PHACTR2: variants seen among roughly 807,000 people sequenced by gnomAD.
PHACTR2 encodes the protein chromosome 6 open reading frame 56.
Under a neutral mutation model 76.0 loss-of-function variants are expected in PHACTR2, and 30 were observed. The ratio of observed to expected loss-of-function variants is 0.39; its 90% CI spans 0.30 to 0.54. PHACTR2 has a LOEUF of 0.54. PHACTR2 is among the 20% of genes least tolerant of loss of function. PHACTR2 has a pLI of 0.61. For missense variants in PHACTR2, 696 were observed against 781.1 expected (o/e 0.89, Z 1.30); for synonymous variants, 292 against 292.5 (o/e 1.00, Z 0.02).
In PHACTR2 at chr6:143,598,911, C is replaced by T. The variant is rs1302294250; in HGVS notation, c.217+61704C>T. On this transcript the variant is annotated intron_variant, in intron 1 of 11. Transcript: ENST00000367584. The surrounding 1 kb of genome is among the most constrained non-coding windows in gnomAD (Gnocchi z 4.1). ...GCATTGATGCTTTCTGTTATCTGTT[C>T]CAGGTTTAGTGGCGTGAATAGTAAA... Among the ~76,000 whole-genome samples the T allele has an allele frequency of 6.6e-6, 1 of 152,128 alleles. No homozygotes were observed.
In PHACTR2 at chr6:143,613,267, G is replaced by T. The variant is rs187072608; in HGVS notation, c.13+4945G>T. Among the ~76,000 whole-genome samples the T allele has an allele frequency of 1.2e-3, 184 of 152,334 alleles. 1 individual carries two copies. The Middle Eastern group carries it at 0.031, about 25-fold the overall frequency. On this transcript the variant is annotated intron_variant, in intron 1 of 11. Coordinates refer to the PHACTR2 transcript ENST00000305766. The stretch of plus-strand genomic sequence containing the variant: ...TGGGATTACAGGCGTGAGCCACCGC[G>T]CCCGGCCCATGTAAAGATATTTTTC...
chr6:143,582,870 G>T (rs1032587949), intron 1 of PHACTR2, among the ~76,000 whole-genome samples: 1 of 152,106 alleles, frequency 6.6e-6, no homozygotes, highest in African/African-American at 2.4e-5. Flanking sequence ...AAAATTGATG[G>T]CTCTGCCAAG....
chr6:143,656,061 G>C lies in PHACTR2; in HGVS notation c.13+47739G>C, dbSNP rs1241069557. ...TGATTACCGGGGGAAATATTTAAAA[G>C]AAGCATCAGTGGAGGGAAGGGTAAA... On this transcript the variant is annotated intron_variant, in intron 1 of 11. Transcript: ENST00000305766. This position sits in a 1 kb window ranked among gnomAD's most constrained non-coding sequence, Gnocchi z 5.3. Among the ~76,000 whole-genome samples, 1 of 152,180 alleles carries C rather than the reference G, an allele frequency of 6.6e-6. No individual in the cohort carries two copies. Among genetic ancestry groups the C allele is most frequent in the Non-Finnish European group, 1.5e-5 (1 of 68,028 alleles).
chr6:143,660,758 A>C (rs1776934550), intron 1 of PHACTR2, among the ~76,000 whole-genome samples: 1 of 152,178 alleles, frequency 6.6e-6, no homozygotes, highest in African/African-American at 2.4e-5. Context: ...ACATAAATTA[A>C]GGGCCGAGAG....
rs1203236461 is a variant in PHACTR2 at position 143,581,302 on chromosome 6, A to G, written c.217+44095A>G. Among the ~76,000 whole-genome samples the G allele has an allele frequency of 6.6e-6, 1 of 152,196 alleles. No individual in the cohort carries two copies. The highest frequency in any genetic ancestry group is 1.5e-5 in the Non-Finnish European group (1 of 68,024). ...CGGGAGGTATGTAGATGACTGTATC[A>G]AGTTATCCTCCTGACCGGGCGCAGT... On this transcript the variant is annotated intron_variant, in intron 1 of 11. Transcript: ENST00000367584. The surrounding 1 kb of genome is among the most constrained non-coding windows in gnomAD (Gnocchi z 4.5).
At chr6:143,685,162 T>C (rs1777486263) in intron 1 of PHACTR2, among the ~76,000 whole-genome samples, 2 of 152,160 alleles carry the variant, frequency 1.3e-5, no homozygotes, top group South Asian at 4.1e-4. Context: ...ATTTCAAAAA[T>C]GCTTTCCTCT....
intron 1 of PHACTR2, among the ~76,000 whole-genome samples, chr6:143,707,189 A>G (rs2488097): frequency 0.39 from 59,583 of 152,036 alleles, 11,831 homozygotes; most frequent in Non-Finnish European, 0.42. Context: ...AAAAATAACA[A>G]AGCCTGGAAA....
At position 143,826,477 on chromosome 6, in the gene PHACTR2, T is replaced by C. The variant is rs1776532638; in HGVS notation, c.*2788T>C. 6.6e-6 allele frequency: 1 copy of C among 152,248 alleles called. No individual in the cohort carries two copies. The highest frequency in any genetic ancestry group is 2.4e-5 in the African/African-American group (1 of 41,472). The allele number at this position is 152,248 out of a possible 1,614,324, so 9.4% of individuals were successfully genotyped here. A position where few individuals can be genotyped will look rare whatever the true frequency, so the allele number is the denominator to read the frequency against. On this transcript the variant is annotated 3_prime_UTR_variant, in exon 13 of 13. Transcript: ENST00000440869. ...GCTGACATCGAGGAAGTAAGTGGGT[T>C]TTCCTGAGTTCCCAAGATATGATTA...
At chr6:143,603,587 TA>T (rs1291512213), upstream of PHACTR2, among the ~76,000 whole-genome samples, 1 of 152,212 alleles carries the variant, frequency 6.6e-6, no homozygotes, top group Non-Finnish European at 1.5e-5. Flanking sequence ...AGCATTGGCC[TA>T]AAATCCACAT....
chr6:143,779,936 TA>T, intron 9 of PHACTR2, among the ~76,000 whole-genome samples: 1 of 144,532 alleles, frequency 6.9e-6, no homozygotes, highest in Admixed American at 6.9e-5. Flanking sequence ...TATATTATAT[TA>T]TATTATATTA....
At chr6:143,642,710 C>T (rs1562257003) in intron 1 of PHACTR2, among the ~76,000 whole-genome samples, 1 of 152,144 alleles carries the variant, frequency 6.6e-6, no homozygotes, top group African/African-American at 2.4e-5. Context: ...AGGGAGAACA[C>T]TATGTGAAGA....
rs76402551 is a variant in PHACTR2, at chr6:143,751,214, C to T, written c.295+2149C>T. 1.5e-3 allele frequency among the ~76,000 whole-genome samples: 235 copies of T among 152,318 alleles called. 6 individuals carry two copies. In the East Asian group the frequency reaches 0.036, roughly 24 times the overall value. On this transcript the variant is annotated intron_variant, in intron 3 of 12. Transcript: ENST00000440869. This position sits in a 1 kb window ranked among gnomAD's most constrained non-coding sequence, Gnocchi z 5.7. ...TGAGCCAGATAGACTTTAAAAATCC[C>T]TCTAGCTACCCTGAGTCTGACCCCA...
rs553615824 is a variant in PHACTR2 at position 143,598,723 on chromosome 6, C to T, written c.217+61516C>T. 6.6e-6 allele frequency among the ~76,000 whole-genome samples: 1 copy of T among 152,292 alleles called. No individual in the cohort carries two copies. The highest frequency in any genetic ancestry group is 2.1e-4 in the South Asian group (1 of 4,826). On this transcript the variant is annotated intron_variant, in intron 1 of 11. Transcript: ENST00000367584. The surrounding 1 kb of genome is among the most constrained non-coding windows in gnomAD (Gnocchi z 4.1). ...GACTGTTATCCAGTGCCTTTCCTGG[C>T]TTTGTCCTTCGTATCAGATGCAGAT...
At chr6:143,724,733 G>A (rs888214923) in intron 2 of PHACTR2, among the ~76,000 whole-genome samples, 1 of 152,118 alleles carries the variant, frequency 6.6e-6, no homozygotes, top group African/African-American at 2.4e-5. Flanking sequence ...TTTTTGTTGA[G>A]CCCTGGTTTG....
chr6:143,811,723 G>C lies in PHACTR2; in HGVS notation c.1922+4590G>C, dbSNP rs1776177022. 4.0e-5 allele frequency among the ~76,000 whole-genome samples: 6 copies of C among 151,798 alleles called. No homozygotes were observed. The highest frequency in any genetic ancestry group is 3.9e-4 in the Admixed American group (6 of 15,224). On this transcript the variant is annotated intron_variant, in intron 12 of 12. Coordinates refer to ENST00000440869, the MANE Select transcript of PHACTR2 (RefSeq NM_001100164.2). This position sits in a 1 kb window ranked among gnomAD's most constrained non-coding sequence, Gnocchi z 4.1. The stretch of plus-strand genomic sequence containing the variant: ...ATCATTCGAGATATATTCCAGTAGG[G>C]ATATAGTTTGTCTCCAAGACATAAA...
At chr6:143,779,551 T>C (rs1775368199) in intron 9 of PHACTR2, among the ~76,000 whole-genome samples, 1 of 152,122 alleles carries the variant, frequency 6.6e-6, no homozygotes, top group African/African-American at 2.4e-5. Context: ...AGTTTTGCTA[T>C]GTTGGCCAGG....
At chr6:143,651,414 A>G (rs1776761845) in intron 1 of PHACTR2, among the ~76,000 whole-genome samples, 2 of 152,244 alleles carry the variant, frequency 1.3e-5, no homozygotes, top group African/African-American at 4.8e-5. Flanking sequence ...AACACTATCC[A>G]CAAAAGCAAA....
In PHACTR2 at chr6:143,571,241, G is replaced by A. The variant is rs77460106; in HGVS notation, c.217+34034G>A. Among the ~76,000 whole-genome samples, 3,494 of 152,096 alleles carry A rather than the reference G, an allele frequency of 0.023. 60 individuals carry two copies. Among genetic ancestry groups the A allele is most frequent in the South Asian group, 0.034 (164 of 4,816 alleles). ...CATTGTTAGTAACAATTATCATTGC[G>A]GTGTTTGTCAGATGGTGACTTTCTA... On this transcript the variant is annotated intron_variant, in intron 1 of 11. Coordinates refer to the PHACTR2 transcript ENST00000367584. This position sits in a 1 kb window ranked among gnomAD's most constrained non-coding sequence, Gnocchi z 4.6.
chr6:143,661,499 A>C (rs1320026373), intron 1 of PHACTR2, among the ~76,000 whole-genome samples: 3 of 152,058 alleles, frequency 2.0e-5, no homozygotes, highest in Non-Finnish European at 2.9e-5. Context: ...AAATAAAATA[A>C]AAAAGCTTTT....
Sources: gnomAD v4.1 joint callset for allele counts (sites outside exome capture counted in the v4.1 genomes callset) on GRCh38, gnomAD v4.1.1 for gene constraint, Gnocchi (gnomAD v3.1) non-coding constraint, MANE v1.5 for transcripts, NCBI Gene and HGNC (gene_info 2026-07-23, HGNC 2026-07-21) for gene names.